IRF6: variants seen among roughly 807,000 people sequenced by gnomAD.
The protein encoded by IRF6 is interferon regulatory factor 6, also known as Van der Woude syndrome.
In IRF6, 6 loss-of-function variants were observed where a neutral mutation model predicts 51.4. The observed-to-expected ratio is 0.12, with a 90% CI of 0.06 to 0.23. The LOEUF (loss-of-function observed/expected upper bound fraction) is 0.23. IRF6 is among the 10% of genes least tolerant of loss of function. The probability of loss-of-function intolerance (pLI) is 1.00; values close to 1 mark genes in which losing one functional copy is unlikely to be tolerated. For synonymous variants in IRF6, 178 were observed against 215.7 expected, an observed-to-expected ratio of 0.83 and a Z score of 1.53; for missense variants, 348 against 585.2, an observed-to-expected ratio of 0.59 and a Z score of 4.18.
In IRF6 at chr1:209,792,276, A is replaced by G. The variant is rs975896948; in HGVS notation, c.660T>C (p.Ser220=). The G allele has an allele frequency of 6.2e-7, 1 of 1,614,120 alleles. No homozygotes were observed. Among genetic ancestry groups the G allele is most frequent in the Non-Finnish European group, 8.5e-7 (1 of 1,179,924 alleles). Residue 220 remains serine (S), a synonymous_variant, in exon 6 of 9, where the codon TCT becomes TCC. Transcript: ENST00000367021. ...FYSSPELWIS[S]LPMTDLDIKF... ...AGATAAAGTCTCACTTACTTGGGAG[A>G]GAGCTGATCCACAGTTCTGGAGAGC...
At chr1:209,803,324 G>A (rs1054991301) in intron 1 of IRF6, among the ~76,000 whole-genome samples, 2 of 152,188 alleles carry the variant, frequency 1.3e-5, no homozygotes, top group Non-Finnish European at 2.9e-5. Context: ...TGCAATACTG[G>A]TAAGTGCTGT....
At chr1:209,791,353 T>C (rs1479721083) in intron 6 of IRF6, among the ~76,000 whole-genome samples, 1 of 152,260 alleles carries the variant, frequency 6.6e-6, no homozygotes, top group East Asian at 1.9e-4. Context: ...TCTGCTCTAA[T>C]AATATACCAT....
At position 209,788,379 on chromosome 1, in the gene IRF6, CAAT is replaced by C; in HGVS notation, c.*38_*40del. On this transcript the variant is annotated 3_prime_UTR_variant, in exon 9 of 9. Transcript: ENST00000367021. ...TAAACAATAAAAAAATCCATATGTA[CAAT>C]ATTATAAAAAAGAGAAGGAAGAAGA... is the stretch of plus-strand genomic sequence containing the variant. The C allele has an allele frequency of 7.7e-7, 1 of 1,297,876 alleles. No homozygotes were observed. The highest frequency in any genetic ancestry group is 1.1e-6 in the Non-Finnish European group (1 of 897,358). The allele number at this position is 1,297,876 out of a possible 1,614,324, so 80.4% of individuals were successfully genotyped here.
At position 209,790,558 on chromosome 1, in the gene IRF6, C is replaced by T. The variant is rs773087829; in HGVS notation, c.997G>A (p.Ala333Thr). 17 of 1,614,124 alleles carry T rather than the reference C, an allele frequency of 1.1e-5. No homozygotes were observed. The highest frequency in any genetic ancestry group is 1.4e-5 in the Non-Finnish European group (17 of 1,180,048). Residue 333 changes from alanine to threonine, a missense_variant, in exon 7 of 9, where the codon GCT becomes ACT. Physicochemically the swap from Ala to Thr is moderately conservative, Grantham distance 58. This residue lies in a region of IRF6 where 125 missense variants were observed against 222.0 expected (regional missense o/e 0.56). Transcript: ENST00000367021. The surrounding 1 kb of genome is among the most constrained non-coding windows in gnomAD (Gnocchi z 4.8). ...WSGPCAPSLVAPNLIERQKKV... is the reference protein window; with the variant it reads ...WSGPCAPSLVTPNLIERQKKV... Reference sequence around the variant, plus strand: ...TTTTGTCTCTCAATCAGGTTGGGAGCAACAAGTGATGGGGCACATGGCCCA... The same window carrying T: ...TTTTGTCTCTCAATCAGGTTGGGAGTAACAAGTGATGGGGCACATGGCCCA...
chr1:209,792,658 C>G, intron 5 of IRF6: 5 of 577,922 alleles, frequency 8.7e-6, no homozygotes, highest in Non-Finnish European at 1.2e-5. Flanking sequence ...TTTTAAAAAC[C>G]TTTGTTTGCT....
rs776963484 is a variant in IRF6 at position 209,801,442 on chromosome 1, G to A, written c.-3-26C>T. 3.9e-6 allele frequency: 6 copies of A among 1,540,286 alleles called. No homozygotes were observed. The African/African-American group carries it at 8.3e-5, about 21-fold the overall frequency. On this transcript the variant is annotated intron_variant, in intron 2 of 8. Coordinates refer to ENST00000367021, the MANE Select transcript of IRF6 (RefSeq NM_006147.4). ...CTGGGGGGGTCAGAGGGAGAAATGG[G>A]AAGAGCAGAAGAATTAGGCCAGCCA...
At chr1:209,802,541 G>A (rs1473267468) in intron 1 of IRF6, among the ~76,000 whole-genome samples, 1 of 152,158 alleles carries the variant, frequency 6.6e-6, no homozygotes, top group Non-Finnish European at 1.5e-5. Context: ...TGAGATGCCT[G>A]GAAAAAGAAC....
Position 209,796,748 on chromosome 1 carries a change from G to A in IRF6, c.175-196C>T, listed in dbSNP as rs2077904500. Among the ~76,000 whole-genome samples the A allele has an allele frequency of 6.6e-6, 1 of 151,388 alleles. No individual in the cohort carries two copies. The highest frequency in any genetic ancestry group is 2.1e-4 in the South Asian group (1 of 4,812). On this transcript the variant is annotated intron_variant, in intron 3 of 8. Transcript: ENST00000367021. This position sits in a 1 kb window ranked among gnomAD's most constrained non-coding sequence, Gnocchi z 4.5. ...CTGCAGCAGGAAACACTGCCCTTAG[G>A]ACCAGGCAAGACAGGTGCCTAAGGG...
intron 1 of IRF6, among the ~76,000 whole-genome samples, chr1:209,804,820 A>C (rs1186309531): frequency 6.6e-6 from 1 of 152,170 alleles, no homozygotes; most frequent in African/African-American, 2.4e-5. Flanking sequence ...ACTGCCACAC[A>C]AAAGCCGAGA....
At chr1:209,803,900 G>A (rs2077958685) in intron 1 of IRF6, among the ~76,000 whole-genome samples, 4 of 152,134 alleles carry the variant, frequency 2.6e-5, no homozygotes. Flanking sequence ...CAACTTGACT[G>A]TGTAGCACTA....
rs1295035011 is a variant in IRF6, at chr1:209,792,336, C to A, written c.600G>T (p.Met200Ile). Residue 200 changes from methionine (M) to isoleucine (I), a missense_variant, in exon 6 of 9, where the codon ATG becomes ATT. Around this residue, in one of 5 missense-constraint regions of IRF6, gnomAD observed 124 missense variants for 141.6 expected, o/e 0.88. Coordinates refer to ENST00000367021, the MANE Select transcript of IRF6 (RefSeq NM_006147.4). The part of the protein sequence containing the change: ...AVWPKTEPLE[M>I]EVPQAPIQPF... Reference sequence around the variant, plus strand: ...GCTGTATAGGTGCCTGGGGTACTTCCATCTCCAGGGGTTCAGTTTTGGGCC... The same window carrying A: ...GCTGTATAGGTGCCTGGGGTACTTCAATCTCCAGGGGTTCAGTTTTGGGCC... 6.2e-7 allele frequency: 1 copy of A among 1,614,080 alleles called. No homozygotes were observed. The highest frequency in any genetic ancestry group is 8.5e-7 in the Non-Finnish European group (1 of 1,179,908).
chr1:209,787,024 T>A lies in IRF6; in HGVS notation c.*1396A>T, dbSNP rs910497463. On this transcript the variant is annotated 3_prime_UTR_variant, in exon 9 of 9. Transcript: ENST00000367021. ...TGAGCCCAGGAGTTCAAGACCAGCC[T>A]GGGCAACATAGCAAGACCTCATCTC... The A allele has an allele frequency of 6.5e-6, 1 of 153,552 alleles. No individual in the cohort carries two copies. Among genetic ancestry groups the A allele is most frequent in the African/African-American group, 2.4e-5 (1 of 41,424 alleles). The allele number at this position is 153,552 out of a possible 1,614,324, so 9.5% of individuals were successfully genotyped here.
At chr1:209,801,111 G>A (rs2077938310) in intron 3 of IRF6, 129 bp downstream of exon 3, 1 of 791,988 alleles carries the variant, frequency 1.3e-6, no homozygotes, top group African/African-American at 1.8e-5. Flanking sequence ...TATGCCTGCT[G>A]AGTTTGGGCA....
intron 5 of IRF6, chr1:209,793,316 T>A (rs570240657): frequency 6.6e-6 from 1 of 152,358 alleles, no homozygotes; most frequent in Non-Finnish European, 1.5e-5. Flanking sequence ...CCCATTTTAC[T>A]TTTTTGTTTT....
At chr1:209,791,093 C>T in intron 6 of IRF6, 1 of 969,272 alleles carries the variant, frequency 1.0e-6, no homozygotes, top group South Asian at 4.8e-5. Context: ...GCAAACAGTT[C>T]AAAGTCCATC....
rs117814831 is a variant in IRF6, at chr1:209,792,446, G to A, written c.509-19C>T. ...GGAGAACCTAAAACAAAAGCATATG[G>A]TGAGCAGACAGGGGTACCACACGTG... is the stretch of plus-strand genomic sequence containing the variant. On this transcript the variant is annotated intron_variant, in intron 5 of 8. Coordinates refer to ENST00000367021, the MANE Select transcript of IRF6 (RefSeq NM_006147.4). 32 of 1,612,598 alleles carry A rather than the reference G, an allele frequency of 2.0e-5. No individual in the cohort carries two copies. In the East Asian group the frequency reaches 7.1e-4, roughly 36 times the overall value.
chr1:209,805,744 C>A (rs1478341181), intron 1 of IRF6, among the ~76,000 whole-genome samples: 1 of 148,622 alleles, frequency 6.7e-6, no homozygotes, highest in Non-Finnish European at 1.5e-5. Flanking sequence ...TCGAGAGGGG[C>A]CTAGCGCTAC....
chr1:209,796,286 T>G lies in IRF6; in HGVS notation c.379+62A>C. 7.2e-7 allele frequency: 1 copy of G among 1,396,230 alleles called. No individual in the cohort carries two copies. Among genetic ancestry groups the G allele is most frequent in the Admixed American group, 1.7e-5 (1 of 59,140 alleles). 86.5% of individuals were successfully genotyped at this position (1,396,230 alleles called of 1,614,324 possible). ...AGGCTGTTTTCAAGTTGACTATCTC[T>G]TAAGAGTGCAGCCCAGAATCTGGCA... On this transcript the variant is annotated intron_variant, in intron 4 of 8. Transcript: ENST00000367021. The surrounding 1 kb of genome is among the most constrained non-coding windows in gnomAD (Gnocchi z 4.5).
chr1:209,797,426 G>T (rs2077909913), intron 3 of IRF6, among the ~76,000 whole-genome samples: 1 of 151,138 alleles, frequency 6.6e-6, no homozygotes, highest in Non-Finnish European at 1.5e-5. Context: ...CCTTTAGGAG[G>T]GAAGGAAACA....
Sources: allele counts gnomAD v4.1 joint callset (sites outside exome capture counted in the v4.1 genomes callset), GRCh38; gene constraint gnomAD v4.1.1; regional missense constraint gnomAD v4.1.1; non-coding constraint Gnocchi (gnomAD v3.1); transcripts MANE v1.5; gene names NCBI Gene and HGNC (gene_info 2026-07-23, HGNC 2026-07-21).